The following UGT1A9 variants were observed in gnomAD, a reference collection of about 807,000 sequenced individuals.
The protein encoded by UGT1A9 is UDP glucuronosyltransferase family 1 member A9.
Under a neutral mutation model 45.0 loss-of-function variants are expected in UGT1A9, and 35 were observed. The ratio of observed to expected loss-of-function variants is 0.78; its 90% CI spans 0.59 to 1.03. The LOEUF (loss-of-function observed/expected upper bound fraction) is 1.03, where lower values mean the gene tolerates loss of function less well. Ranked by LOEUF, UGT1A9 falls within the 50% of genes least tolerant of loss-of-function variation. The pLI is 0.00. For missense variants in UGT1A9, 687 were observed against 666.6 expected (o/e 1.03, Z -0.34); for synonymous variants, 278 against 250.6 (o/e 1.11, Z -1.03).
chr2:233,752,857 TTG>T (rs1695078036), intron 1 of UGT1A9, among the ~76,000 whole-genome samples: 1 of 152,216 alleles, frequency 6.6e-6, no homozygotes, highest in Non-Finnish European at 1.5e-5. Flanking sequence ...AATTTGAACT[TTG>T]TGTTAGCTTT....
Position 233,671,971 on chromosome 2 carries a change from T to C in UGT1A9, c.37T>C (p.Cys13Arg), listed in dbSNP as rs199516931. 6.2e-7 allele frequency: 1 copy of C among 1,613,990 alleles called. No homozygotes were observed. The highest frequency in any genetic ancestry group is 8.5e-7 in the Non-Finnish European group (1 of 1,179,930). Reference protein sequence around the residue: ...CTGWTSPLPLCVCLLLTCGFA... With the variant: ...CTGWTSPLPLRVCLLLTCGFA... ...AGGGTGGACCAGCCCCCTTCCTCTA[T>C]GTGTGTGTCTGCTGCTGACCTGTGG... The change falls in exon 1 of 5, where the codon TGT (cysteine) becomes CGT (arginine). Residue 13 changes from cysteine to arginine, a missense_variant. Physicochemically the swap from Cys to Arg is radical, Grantham distance 180. Coordinates refer to ENST00000354728, the MANE Select transcript of UGT1A9 (RefSeq NM_021027.3).
chr2:233,673,421 G>A (rs1473505545), intron 1 of UGT1A9, among the ~76,000 whole-genome samples: 1 of 152,032 alleles, frequency 6.6e-6, no homozygotes, highest in African/African-American at 2.4e-5. Flanking sequence ...TTGTCTTTAT[G>A]AATAGGGCCG....
At chr2:233,728,345 G>A (rs2077703623) in intron 1 of UGT1A9, among the ~76,000 whole-genome samples, 1 of 152,208 alleles carries the variant, frequency 6.6e-6, no homozygotes, top group Non-Finnish European at 1.5e-5. Context: ...GTCCCTTGGT[G>A]AGCAGGAGCT....
At chr2:233,688,575 A>C (rs2074901889) in intron 1 of UGT1A9, among the ~76,000 whole-genome samples, 2 of 152,162 alleles carry the variant, frequency 1.3e-5, no homozygotes, top group South Asian at 4.1e-4. Flanking sequence ...ACATGAGTTC[A>C]TCTTGTTTTG....
intron 1 of UGT1A9, among the ~76,000 whole-genome samples, chr2:233,681,721 A>G (rs1192402169): frequency 6.6e-6 from 1 of 152,178 alleles, no homozygotes; most frequent in Non-Finnish European, 1.5e-5. Flanking sequence ...AAAGATGATG[A>G]GTTACTCTTT....
At chr2:233,685,194 G>C (rs527393149) in intron 1 of UGT1A9, among the ~76,000 whole-genome samples, 2 of 152,072 alleles carry the variant, frequency 1.3e-5, no homozygotes, top group African/African-American at 4.8e-5. Context: ...ACATTAAAAC[G>C]GTTTTGTTTT....
At chr2:233,676,501 TAA>T (rs1190598583) in intron 1 of UGT1A9, among the ~76,000 whole-genome samples, 1 of 152,242 alleles carries the variant, frequency 6.6e-6, no homozygotes, top group Non-Finnish European at 1.5e-5. Context: ...AGCTAAAAGC[TAA>T]AGTCTGTTTC....
At chr2:233,728,122 T>C (rs534141246) in intron 1 of UGT1A9, among the ~76,000 whole-genome samples, 2 of 152,362 alleles carry the variant, frequency 1.3e-5, no homozygotes, top group Non-Finnish European at 2.9e-5. Context: ...TCTTGAAATT[T>C]GGACTAGGGC....
At chr2:233,768,071 G>T in intron 3 of UGT1A9, 135 bp downstream of exon 3, 1 of 1,595,002 alleles carries the variant, frequency 6.3e-7, no homozygotes, top group Non-Finnish European at 8.6e-7. Flanking sequence ...TTTATCTAGT[G>T]GGGTATCTCA....
chr2:233,756,325 C>G (rs903343397), intron 1 of UGT1A9: 1 of 152,158 alleles, frequency 6.6e-6, no homozygotes, highest in Non-Finnish European at 1.5e-5. Context: ...CTCCTTTAAA[C>G]CTCTAGTCAT....
At position 233,672,116 on chromosome 2, in the gene UGT1A9, A is replaced by T; in HGVS notation, c.182A>T (p.Glu61Val). 4 of 1,614,192 alleles carry T rather than the reference A, an allele frequency of 2.5e-6. No homozygotes were observed. Among genetic ancestry groups the T allele is most frequent in the Non-Finnish European group, 3.4e-6 (4 of 1,180,016 alleles). The stretch of plus-strand genomic sequence containing the variant: ...CATGAGGTGGTTGTAGTCATGCCAG[A>T]GGTGAGTTGGCAACTGGGAAGATCA... ...RGHEVVVVMP[E>V]VSWQLGRSLN... Residue 61 changes from glutamate to valine, a missense_variant, in exon 1 of 5, where the codon GAG (glutamate) becomes GTG (valine). By Grantham distance (121) the Glu-to-Val change is moderately radical (BLOSUM62 -2). Transcript: ENST00000354728.
intron 1 of UGT1A9, chr2:233,718,753 G>A: frequency 6.2e-7 from 1 of 1,612,362 alleles, no homozygotes; most frequent in Non-Finnish European, 8.5e-7. Flanking sequence ...AGGTAATTAA[G>A]GCGAAGGAAA....
intron 1 of UGT1A9, chr2:233,761,078 A>G: frequency 3.7e-6 from 6 of 1,614,128 alleles, no homozygotes; most frequent in Non-Finnish European, 5.1e-6. Flanking sequence ...GTGAAGGATT[A>G]CCCTAGGCCC....
intron 2 of UGT1A9, 41 bp downstream of exon 2, chr2:233,767,206 A>G: frequency 1.9e-6 from 3 of 1,613,184 alleles, no homozygotes; most frequent in Non-Finnish European, 2.5e-6. Context: ...CTATTTTCAC[A>G]GGAGCGCTAA....
intron 1 of UGT1A9, among the ~76,000 whole-genome samples, chr2:233,681,530 CAAAAAAAAAA>C (rs747693860): frequency 6.4e-5 from 5 of 77,710 alleles, no homozygotes; most frequent in Non-Finnish European, 1.3e-4. Context: ...GACTCCATCT[CAAAAAAAAAA>C]AAAAAAAAAA....
intron 1 of UGT1A9, among the ~76,000 whole-genome samples, chr2:233,679,236 C>T (rs995916387): frequency 2.0e-5 from 3 of 152,156 alleles, no homozygotes; most frequent in South Asian, 2.1e-4. Flanking sequence ...GGTCCAATAT[C>T]GAAAGAACTT....
In UGT1A9 at chr2:233,743,685, T is replaced by C. The variant is rs192235508; in HGVS notation, c.856-23349T>C. The C allele has an allele frequency of 2.3e-3, 3,085 of 1,367,218 alleles. 13 individuals carry two copies. The highest frequency in any genetic ancestry group is 0.017 in the Middle Eastern group (80 of 4,768). The allele number at this position is 1,367,218 out of a possible 1,614,324, so 84.7% of individuals were successfully genotyped here. A position where few individuals can be genotyped will look rare whatever the true frequency, so the allele number is the denominator to read the frequency against. On this transcript the variant is annotated intron_variant, in intron 1 of 4. Coordinates refer to ENST00000354728, the MANE Select transcript of UGT1A9 (RefSeq NM_021027.3). ...GGGTCCTCGAAGGGCCTGCCGCCTG[T>C]GCAGCCGCCCTCCGCCCCCGCCTCG...
chr2:233,723,423 T>C (rs948656424), intron 1 of UGT1A9, among the ~76,000 whole-genome samples: 4 of 135,658 alleles, frequency 2.9e-5, no homozygotes, highest in African/African-American at 8.8e-5. Flanking sequence ...CTGGTCAGGC[T>C]GGTCTCGAAC....
In UGT1A9 at chr2:233,672,537, G is replaced by T; in HGVS notation, c.603G>T (p.Met201Ile). 2 of 1,613,914 alleles carry T rather than the reference G, an allele frequency of 1.2e-6. No homozygotes were observed. Among genetic ancestry groups the T allele is most frequent in the Non-Finnish European group, 1.7e-6 (2 of 1,179,836 alleles). ...TTCTCTTAGGGTTCTCAGATGCCATGACTTTCAAGGAGAGAGTACGGAACC... is the reference window on the plus strand; with the variant it reads ...TTCTCTTAGGGTTCTCAGATGCCATTACTTTCAAGGAGAGAGTACGGAACC... Reference protein sequence around the residue: ...PRILLGFSDAMTFKERVRNHI... With the variant: ...PRILLGFSDAITFKERVRNHI... Residue 201 changes from methionine to isoleucine, a missense_variant, in exon 1 of 5, where the codon ATG becomes ATT. Coordinates refer to ENST00000354728, the MANE Select transcript of UGT1A9 (RefSeq NM_021027.3).
Sources: gnomAD v4.1 joint callset for allele counts (sites outside exome capture counted in the v4.1 genomes callset) on GRCh38, gnomAD v4.1.1 for gene constraint, MANE v1.5 for transcripts, NCBI Gene and HGNC (gene_info 2026-07-23, HGNC 2026-07-21) for gene names.